The following ADAMTS2 variants were observed in gnomAD, a reference collection of about 807,000 sequenced individuals.
The protein encoded by ADAMTS2 is ADAM metallopeptidase with thrombospondin type 1 motif 2, also known as A disintegrin and metalloproteinase with thrombospondin motifs 2.
ADAMTS2 carries 50 observed loss-of-function variants against 123.0 expected under a neutral mutation model. That is an observed-to-expected ratio of 0.41 (90% CI 0.32 to 0.51). The LOEUF is 0.51. Ranked by LOEUF, ADAMTS2 falls within the 20% of genes least tolerant of loss-of-function variation. The probability of loss-of-function intolerance (pLI) is 0.35; values close to 1 mark genes in which losing one functional copy is unlikely to be tolerated. For synonymous variants in ADAMTS2, 678 were observed against 695.4 expected, an observed-to-expected ratio of 0.98 and a Z score of 0.39; for missense variants, 1,494 against 1,705.2, an observed-to-expected ratio of 0.88 and a Z score of 2.18.
chr5:179,152,288 T>C, intron 9 of ADAMTS2, 33 bp from the exon 10 acceptor site: 2 of 1,606,194 alleles, frequency 1.2e-6, no homozygotes, highest in Non-Finnish European at 1.7e-6. Context: ...GCCAGGTCCC[T>C]CCCACCTCAG....
intron 21 of ADAMTS2, chr5:179,120,382 A>C (rs1477792323): frequency 6.6e-6 from 1 of 152,246 alleles, no homozygotes; most frequent in Non-Finnish European, 1.5e-5. Flanking sequence ...TGATAAACCA[A>C]AGTGCATATG....
intron 3 of ADAMTS2, among the ~76,000 whole-genome samples, chr5:179,222,620 C>T (rs1765152641): frequency 6.6e-6 from 1 of 152,246 alleles, no homozygotes; most frequent in Non-Finnish European, 1.5e-5. Context: ...GCTGGGGTTT[C>T]CTCTTCTTGC....
At chr5:179,297,464 C>T (rs909568424) in intron 2 of ADAMTS2, among the ~76,000 whole-genome samples, 1 of 152,074 alleles carries the variant, frequency 6.6e-6, no homozygotes, top group African/African-American at 2.4e-5. Flanking sequence ...ATGGGGACCC[C>T]CTTCTGCCCC....
intron 3 of ADAMTS2, among the ~76,000 whole-genome samples, chr5:179,257,517 C>CA (rs1766089428): frequency 6.6e-6 from 1 of 152,238 alleles, no homozygotes; most frequent in Non-Finnish European, 1.5e-5. Flanking sequence ...CTCAGTGCCG[C>CA]ATCCAACAGC....
chr5:179,114,765 A>C (rs955765249), intron 21 of ADAMTS2, among the ~76,000 whole-genome samples: 4 of 152,210 alleles, frequency 2.6e-5, no homozygotes, highest in Non-Finnish European at 5.9e-5. Flanking sequence ...CTAAGTAGTA[A>C]CTATAACAAA....
intron 2 of ADAMTS2, among the ~76,000 whole-genome samples, chr5:179,297,383 C>T (rs533519626): frequency 6.6e-6 from 1 of 152,126 alleles, no homozygotes; most frequent in African/African-American, 2.4e-5. Flanking sequence ...GCCTCCCACC[C>T]CACCTGCCTG....
rs534295458 is a variant in ADAMTS2 at position 179,155,394 on chromosome 5, G to A, written c.1133-475C>T. On this transcript the variant is annotated intron_variant, in intron 6 of 21. Coordinates refer to ENST00000251582, the MANE Select transcript of ADAMTS2 (RefSeq NM_014244.5). The surrounding 1 kb of genome is among the most constrained non-coding windows in gnomAD (Gnocchi z 5.1). ...TCCAAGCCCACCTCCTCTGGGGGGC[G>A]TTTCTTGGGTCTCCCCGTGTTTCTC... Among the ~76,000 whole-genome samples the A allele has an allele frequency of 1.1e-3, 171 of 152,282 alleles. No individual in the cohort carries two copies. The highest frequency in any genetic ancestry group is 3.3e-3 in the African/African-American group (138 of 41,564).
Position 179,345,212 on chromosome 5 carries a change from G to T in ADAMTS2, c.117C>A (p.Leu39=), listed in dbSNP as rs1323794483. 1 of 1,119,142 alleles carries T rather than the reference G, an allele frequency of 8.9e-7. No individual in the cohort carries two copies. The highest frequency in any genetic ancestry group is 1.1e-6 in the Non-Finnish European group (1 of 919,772). The allele number at this position is 1,119,142 out of a possible 1,614,324, so 69.3% of individuals were successfully genotyped here. ...TACCTGGGGGGTCGGCGGCGGCGGC[G>T]AGCCTGGCGTTCGCGGGCGGCGGCG... ...PPPPPPANAR[L]AAAADPPGGP... is the part of the protein sequence containing the mutation. The change falls in exon 1 of 22, where the codon CTC becomes CTA. Residue 39 remains leucine (L), a synonymous_variant. Coordinates refer to ENST00000251582, the MANE Select transcript of ADAMTS2 (RefSeq NM_014244.5). The surrounding 1 kb of genome is among the most constrained non-coding windows in gnomAD (Gnocchi z 7.5).
chr5:179,181,181 G>T lies in ADAMTS2; in HGVS notation c.892-26C>A. The T allele has an allele frequency of 6.5e-7, 1 of 1,547,830 alleles. No individual in the cohort carries two copies. The highest frequency in any genetic ancestry group is 2.2e-5 in the East Asian group (1 of 44,566). ...CTGAAAGAAACAGGGAGGCATCAGCGGGAACCACAGGCCCTAGGACTGGCT... is the reference window on the plus strand; with the variant it reads ...CTGAAAGAAACAGGGAGGCATCAGCTGGAACCACAGGCCCTAGGACTGGCT... On this transcript the variant is annotated intron_variant, in intron 4 of 21. Transcript: ENST00000251582. This position sits in a 1 kb window ranked among gnomAD's most constrained non-coding sequence, Gnocchi z 4.1.
In ADAMTS2 at chr5:179,228,391, C is replaced by T. The variant is rs2113422929; in HGVS notation, c.689-20676G>A. ...ACTCCACCAGAACCCAGTCTGGGCA[C>T]CAGCCTGTTTTCTTGTCCTCTCCAG... On this transcript the variant is annotated intron_variant, in intron 3 of 21. Coordinates refer to ENST00000251582, the MANE Select transcript of ADAMTS2 (RefSeq NM_014244.5). The surrounding 1 kb of genome is among the most constrained non-coding windows in gnomAD (Gnocchi z 5.2). Among the ~76,000 whole-genome samples, 1 of 152,316 alleles carries T rather than the reference C, an allele frequency of 6.6e-6. No homozygotes were observed. The highest frequency in any genetic ancestry group is 2.4e-5 in the African/African-American group (1 of 41,574).
intron 2 of ADAMTS2, among the ~76,000 whole-genome samples, chr5:179,326,197 TGTGC>T (rs1270285143): frequency 8.3e-6 from 1 of 120,446 alleles, no homozygotes; most frequent in African/African-American, 3.0e-5. Context: ...GGCGTTTGTG[TGTGC>T]GTGTGTGTGT....
chr5:179,164,406 A>G (rs1026528272), intron 5 of ADAMTS2, among the ~76,000 whole-genome samples: 1 of 152,206 alleles, frequency 6.6e-6, no homozygotes, highest in Non-Finnish European at 1.5e-5. Flanking sequence ...AGATGCATGC[A>G]GGTGTGGCTG....
chr5:179,190,668 G>C (rs11249615), intron 4 of ADAMTS2, among the ~76,000 whole-genome samples: 3 of 152,116 alleles, frequency 2.0e-5, no homozygotes, highest in African/African-American at 7.2e-5. Context: ...ACAAAGCCTG[G>C]TGGTGGTCTC....
chr5:179,216,323 G>C (rs1435051864), intron 3 of ADAMTS2, among the ~76,000 whole-genome samples: 1 of 152,210 alleles, frequency 6.6e-6, no homozygotes, highest in Non-Finnish European at 1.5e-5. Flanking sequence ...GGAGAGCCTG[G>C]CCTAGGTTCT....
In ADAMTS2 at chr5:179,188,676, C is replaced by T. The variant is rs1764228806; in HGVS notation, c.892-7521G>A. The stretch of plus-strand genomic sequence containing the variant: ...CAAAAAGTGAGGTGGTCAGAGTCCC[C>T]TCCTTCAATACCCAGCGCAGGAACA... On this transcript the variant is annotated intron_variant, in intron 4 of 21. Transcript: ENST00000251582. The surrounding 1 kb of genome is among the most constrained non-coding windows in gnomAD (Gnocchi z 5.1). Among the ~76,000 whole-genome samples the T allele has an allele frequency of 6.6e-6, 1 of 152,136 alleles. No individual in the cohort carries two copies. Among genetic ancestry groups the T allele is most frequent in the Admixed American group, 6.5e-5 (1 of 15,274 alleles).
intron 2 of ADAMTS2, among the ~76,000 whole-genome samples, chr5:179,289,091 T>G (rs1026396592): frequency 6.6e-6 from 1 of 152,000 alleles, no homozygotes; most frequent in Non-Finnish European, 1.5e-5. Flanking sequence ...CCCAGCTGGT[T>G]CTGACTGCCA....
chr5:179,254,815 C>G (rs1766008323), intron 3 of ADAMTS2, among the ~76,000 whole-genome samples: 1 of 152,246 alleles, frequency 6.6e-6, no homozygotes, highest in South Asian at 2.1e-4. Context: ...CTATTAGCAG[C>G]ATTTGTCATG....
chr5:179,266,659 G>A (rs1766379665), intron 3 of ADAMTS2, among the ~76,000 whole-genome samples: 1 of 152,250 alleles, frequency 6.6e-6, no homozygotes, highest in Non-Finnish European at 1.5e-5. Context: ...AGCAGCCACA[G>A]GAAGCTGAGA....
In ADAMTS2 at chr5:179,262,021, C is replaced by T. The variant is rs568573455; in HGVS notation, c.688+10890G>A. On this transcript the variant is annotated intron_variant, in intron 3 of 21. Transcript: ENST00000251582. The surrounding 1 kb of genome is among the most constrained non-coding windows in gnomAD (Gnocchi z 5.9). The stretch of plus-strand genomic sequence containing the variant: ...GCATTGGGGGCTCCTGCCCCCGCCC[C>T]GTGAGTCTGGGAACACATGGGTCTT... Among the ~76,000 whole-genome samples, 6 of 152,228 alleles carry T rather than the reference C, an allele frequency of 3.9e-5. No homozygotes were observed. The highest frequency in any genetic ancestry group is 7.3e-5 in the Non-Finnish European group (5 of 68,030).
Sources: allele counts gnomAD v4.1 joint callset (sites outside exome capture counted in the v4.1 genomes callset), GRCh38; gene constraint gnomAD v4.1.1; non-coding constraint Gnocchi (gnomAD v3.1); transcripts MANE v1.5; gene names NCBI Gene and HGNC (gene_info 2026-07-23, HGNC 2026-07-21).